The following WBP11 variants were observed in gnomAD, a reference collection of about 807,000 sequenced individuals.
The protein encoded by WBP11 is WW domain binding protein 11, also known as WW domain-binding protein 11.
WBP11 carries 12 observed loss-of-function variants against 66.7 expected under a neutral mutation model. The observed-to-expected ratio is 0.18, with a 90% CI of 0.12 to 0.29. The LOEUF (loss-of-function observed/expected upper bound fraction) is 0.29. Among genes scored for constraint, WBP11 ranks in the 10% least tolerant of loss-of-function variants. The probability of loss-of-function intolerance (pLI) is 1.00; values close to 1 mark genes in which losing one functional copy is unlikely to be tolerated. For missense variants in WBP11, 555 were observed against 818.3 expected (o/e 0.68, Z 3.93); for synonymous variants, 255 against 273.8 (o/e 0.93, Z 0.68).
rs1342498429 is a variant in WBP11 at position 14,785,648 on chromosome 12, T to C, written c.*1417A>G. 3.9e-5 allele frequency: 6 copies of C among 152,166 alleles called. No homozygotes were observed. The highest frequency in any genetic ancestry group is 8.8e-5 in the Non-Finnish European group (6 of 68,034). 9.4% of individuals were successfully genotyped at this position (152,166 alleles called of 1,614,324 possible). ...TCTTGAATAAAAATCTAAAAATCCA[T>C]CAACTCAACTCTAAGAAAATAAATG... On this transcript the variant is annotated 3_prime_UTR_variant, in exon 12 of 12. Coordinates refer to ENST00000261167, the MANE Select transcript of WBP11 (RefSeq NM_016312.3).
chr12:14,795,251 T>C, intron 5 of WBP11, 147 bp from the exon 6 acceptor site: 1 of 857,800 alleles, frequency 1.2e-6, no homozygotes, highest in Non-Finnish European at 1.7e-6. Context: ...TAACCTTACG[T>C]CAATACTTCC....
At chr12:14,788,390 T>C (rs1949780054) in intron 11 of WBP11, among the ~76,000 whole-genome samples, 1 of 152,178 alleles carries the variant, frequency 6.6e-6, no homozygotes, top group Non-Finnish European at 1.5e-5. Flanking sequence ...CAAATACCAC[T>C]TTTAAATGAA....
chr12:14,803,081 G>C (rs971908947), intron 1 of WBP11, among the ~76,000 whole-genome samples: 4 of 147,246 alleles, frequency 2.7e-5, no homozygotes, highest in Admixed American at 6.7e-5. Context: ...ACGGCTGACC[G>C]ACCATGACTC....
In WBP11 at chr12:14,792,803, A is replaced by T. The variant is rs1011243868; in HGVS notation, c.913+928T>A. On this transcript the variant is annotated intron_variant, in intron 8 of 11. Coordinates refer to ENST00000261167, the MANE Select transcript of WBP11 (RefSeq NM_016312.3). ...AGCTGAGATTGTGCCATTGCACTCC[A>T]ACCTGGGCGACAAGAGTGAGATTGT... 4.0e-5 allele frequency among the ~76,000 whole-genome samples: 6 copies of T among 151,700 alleles called. No individual in the cohort carries two copies. In the East Asian group the frequency reaches 1.2e-3, roughly 29 times the overall value.
In WBP11 at chr12:14,784,610, G is replaced by GC. The variant is rs1949731253; in HGVS notation, c.*2454dup. ...ATATAAGGAGATATTTTAATCAAGA[G>GC]CACAAACAAGAATATACAAAATGAG... On this transcript the variant is annotated 3_prime_UTR_variant, in exon 12 of 12. Transcript: ENST00000261167. 1 of 152,106 alleles carries GC rather than the reference G, an allele frequency of 6.6e-6. No individual in the cohort carries two copies. The highest frequency in any genetic ancestry group is 1.5e-5 in the Non-Finnish European group (1 of 68,022). 9.4% of individuals were successfully genotyped at this position (152,106 alleles called of 1,614,324 possible).
At chr12:14,794,498 A>G (rs1949865078) in intron 7 of WBP11, 39 bp downstream of exon 7, 1 of 1,609,124 alleles carries the variant, frequency 6.2e-7, no homozygotes, top group African/African-American at 1.3e-5. Flanking sequence ...CAACATAAAA[A>G]ATGATAGTTA....
intron 7 of WBP11, 45 bp downstream of exon 7, chr12:14,794,492 A>G (rs749242595): frequency 1.2e-6 from 2 of 1,606,550 alleles, no homozygotes; most frequent in South Asian, 1.1e-5. Context: ...CAGGGCCAAC[A>G]TAAAAAATGA....
Position 14,790,502 on chromosome 12 carries a change from T to C in WBP11, c.1263A>G (p.Leu421=), listed in dbSNP as rs1190756986. 6.2e-7 allele frequency: 1 copy of C among 1,613,956 alleles called. No homozygotes were observed. The highest frequency in any genetic ancestry group is 8.5e-7 in the Non-Finnish European group (1 of 1,179,854). Residue 421 remains leucine (L), a synonymous_variant, in exon 10 of 12, where the codon TTA becomes TTG. Transcript: ENST00000261167. Reference sequence around the variant, plus strand: ...GGCCTGTAGGTGGCCCAGGAGGCCGTAATGGTGGAGCAGGTGGTGGTCCAA... The same window carrying C: ...GGCCTGTAGGTGGCCCAGGAGGCCGCAATGGTGGAGCAGGTGGTGGTCCAA... ...PPLGPPPAPP[L]RPPGPPTGLP...
chr12:14,794,019 T>C lies in WBP11; in HGVS notation c.722-97A>G, dbSNP rs923351092. On this transcript the variant is annotated intron_variant, in intron 7 of 11. Transcript: ENST00000261167. ...GAAAATTATGCTATTCAACTCAGACTGTAACAACTTAATTCTTACCAAAAA... is the reference window on the plus strand; with the variant it reads ...GAAAATTATGCTATTCAACTCAGACCGTAACAACTTAATTCTTACCAAAAA... 10 of 792,514 alleles carry C rather than the reference T, an allele frequency of 1.3e-5. No individual in the cohort carries two copies. The African/African-American group carries it at 1.6e-4, about 13-fold the overall frequency. The allele number at this position is 792,514 out of a possible 1,614,324, so 49.1% of individuals were successfully genotyped here.
At chr12:14,802,457 G>A (rs1949976756) in intron 1 of WBP11, among the ~76,000 whole-genome samples, 1 of 152,122 alleles carries the variant, frequency 6.6e-6, no homozygotes, top group Non-Finnish European at 1.5e-5. Context: ...CAGCTGTTCT[G>A]GTGGCAATTA....
At chr12:14,788,629 A>AG (rs1949784401) in intron 11 of WBP11, among the ~76,000 whole-genome samples, 2 of 152,238 alleles carry the variant, frequency 1.3e-5, no homozygotes, top group African/African-American at 4.8e-5. Context: ...GGTAGAGGTA[A>AG]GGGAAAAAAA....
At chr12:14,788,179 C>T (rs1314588115) in intron 11 of WBP11, among the ~76,000 whole-genome samples, 1 of 152,116 alleles carries the variant, frequency 6.6e-6, no homozygotes, top group Non-Finnish European at 1.5e-5. Flanking sequence ...GCGGAGGTTG[C>T]AGTGAGCTCA....
At position 14,796,185 on chromosome 12, in the gene WBP11, T is replaced by G. The variant is rs368523914; in HGVS notation, c.387+622A>C. Among the ~76,000 whole-genome samples the G allele has an allele frequency of 2.6e-4, 40 of 152,320 alleles. No homozygotes were observed. The highest frequency in any genetic ancestry group is 9.6e-4 in the African/African-American group (40 of 41,582). On this transcript the variant is annotated intron_variant, in intron 5 of 11. Coordinates refer to ENST00000261167, the MANE Select transcript of WBP11 (RefSeq NM_016312.3). This position sits in a 1 kb window ranked among gnomAD's most constrained non-coding sequence, Gnocchi z 4.5. Reference sequence around the variant, plus strand: ...TTACTCACAATTTTTCTTTTTTTATTCCATGCTGTTTTGAGTATTAGATTA... The same window carrying G: ...TTACTCACAATTTTTCTTTTTTTATGCCATGCTGTTTTGAGTATTAGATTA...
In WBP11 at chr12:14,793,831, A is replaced by G; in HGVS notation, c.813T>C (p.Thr271=). The G allele has an allele frequency of 1.2e-6, 2 of 1,614,076 alleles. No homozygotes were observed. Among genetic ancestry groups the G allele is most frequent in the Non-Finnish European group, 8.5e-7 (1 of 1,179,992 alleles). ...DMDQDKHDDS[T]DDSDTDKSDG... ...CTGATTTGTCGGTGTCACTGTCATC[A>G]GTACTGTCATCATGCTTATCTTGAT... Residue 271 remains threonine, a synonymous_variant, in exon 8 of 12, where the codon ACT becomes ACC. Coordinates refer to ENST00000261167, the MANE Select transcript of WBP11 (RefSeq NM_016312.3).
intron 8 of WBP11, 65 bp downstream of exon 8, chr12:14,793,666 A>T: frequency 6.5e-7 from 1 of 1,533,784 alleles, no homozygotes; most frequent in East Asian, 2.3e-5. Flanking sequence ...TTCATTAATA[A>T]ATTAGGACCT....
At position 14,786,097 on chromosome 12, in the gene WBP11, A is replaced by G. The variant is rs921531770; in HGVS notation, c.*968T>C. 2.0e-5 allele frequency: 3 copies of G among 152,224 alleles called. No homozygotes were observed. The highest frequency in any genetic ancestry group is 2.0e-4 in the Admixed American group (3 of 15,270). The allele number at this position is 152,224 out of a possible 1,614,324, so 9.4% of individuals were successfully genotyped here. A position where few individuals can be genotyped will look rare whatever the true frequency, so the allele number is the denominator to read the frequency against. On this transcript the variant is annotated 3_prime_UTR_variant, in exon 12 of 12. Transcript: ENST00000261167. ...CACCAAACCCACCAATTCAGAAAGG[A>G]AAAAAAGCTAACCTCTTCTGATTCT...
Position 14,793,811 on chromosome 12 carries a change from T to C in WBP11, c.833A>G (p.Lys278Arg), listed in dbSNP as rs571980375. The C allele has an allele frequency of 5.0e-6, 8 of 1,613,992 alleles. No individual in the cohort carries two copies. The African/African-American group carries it at 1.1e-4, about 22-fold the overall frequency. The change falls in exon 8 of 12, where the codon AAA (lysine) becomes AGA (arginine). Residue 278 changes from lysine (K) to arginine (R), a missense_variant. Physicochemically the swap from Lys to Arg is conservative, Grantham distance 26 (BLOSUM62 2). This residue lies in a region of WBP11 where 220 missense variants were observed against 268.2 expected (regional missense o/e 0.82). Transcript: ENST00000261167. ...ATCCCCGTCACTTTCTCCATCTGAT[T>C]TGTCGGTGTCACTGTCATCAGTACT... ...DDSTDDSDTD[K>R]SDGESDGDEF...
intron 3 of WBP11, among the ~76,000 whole-genome samples, chr12:14,800,319 A>C (rs1177409311): frequency 6.6e-6 from 1 of 151,900 alleles, no homozygotes; most frequent in Non-Finnish European, 1.5e-5. Context: ...GAAAATGGAT[A>C]TATAAATCTA....
At chr12:14,803,119 A>G (rs1227416478) in intron 1 of WBP11, among the ~76,000 whole-genome samples, 2 of 152,214 alleles carry the variant, frequency 1.3e-5, no homozygotes, top group Admixed American at 1.3e-4. Flanking sequence ...ACCTAAGGCT[A>G]CTAATCAACG....
Sources: allele counts gnomAD v4.1 joint callset (sites outside exome capture counted in the v4.1 genomes callset), GRCh38; gene constraint gnomAD v4.1.1; regional missense constraint gnomAD v4.1.1; non-coding constraint Gnocchi (gnomAD v3.1); transcripts MANE v1.5; gene names NCBI Gene and HGNC (gene_info 2026-07-23, HGNC 2026-07-21).